ARHGAP27: variants seen among roughly 807,000 people sequenced by gnomAD.
ARHGAP27 encodes the protein rho GTPase-activating protein 27.
In ARHGAP27, 53 loss-of-function variants were observed where a neutral mutation model predicts 102.0. That is an observed-to-expected ratio of 0.52 (90% CI 0.42 to 0.65). ARHGAP27 has a LOEUF of 0.65. Ranked by LOEUF, ARHGAP27 falls within the 30% of genes least tolerant of loss-of-function variation. ARHGAP27 has a pLI of 0.00. For missense variants in ARHGAP27, 1,117 were observed against 1,256.2 expected, an observed-to-expected ratio of 0.89 and a Z score of 1.68; for synonymous variants, 525 against 542.8, an observed-to-expected ratio of 0.97 and a Z score of 0.46.
intron 12 of ARHGAP27, among the ~76,000 whole-genome samples, chr17:45,402,005 TA>T (rs1567698142): frequency 6.6e-6 from 1 of 151,966 alleles, no homozygotes; most frequent in Non-Finnish European, 1.5e-5. Context: ...AGGGTAAGAG[TA>T]GTTTAAAAAC....
intron 5 of ARHGAP27, 53 bp downstream of exon 5, chr17:45,405,623 C>T: frequency 6.6e-7 from 1 of 1,515,280 alleles, no homozygotes; most frequent in Non-Finnish European, 8.8e-7. Flanking sequence ...GAGCAGGAGG[C>T]GGGATCAGAG....
chr17:45,402,766 GC>G lies in ARHGAP27; in HGVS notation c.1690del (p.Ala564ProfsTer28). On this transcript the variant is annotated frameshift_variant, in exon 12 of 20. Coordinates refer to ENST00000685559, the MANE Select transcript of ARHGAP27 (RefSeq NM_001282290.2). LOFTEE classifies it high-confidence loss of function. ...GTCTTTGGGGGCCCAGGAGAGAGTG[GC>G]CCCCCTCAGCTCCACTGTGTACTCA... Reference protein sequence around the residue: ...TPEYTVELRGATLSWAPKDKS... With the variant: ...TPEYTVELRGXTLSWAPKDKS... 1 of 1,613,096 alleles carries G rather than the reference GC, an allele frequency of 6.2e-7. No homozygotes were observed. The highest frequency in any genetic ancestry group is 8.5e-7 in the Non-Finnish European group (1 of 1,179,550).
intron 4 of ARHGAP27, among the ~76,000 whole-genome samples, chr17:45,421,719 A>T (rs2049053632): frequency 6.6e-6 from 1 of 152,212 alleles, no homozygotes; most frequent in African/African-American, 2.4e-5. Flanking sequence ...GGAAATCGAT[A>T]ACCAGATCAG....
At chr17:45,423,980 A>T (rs2049293115) in intron 4 of ARHGAP27, among the ~76,000 whole-genome samples, 1 of 152,244 alleles carries the variant, frequency 6.6e-6, no homozygotes, top group Non-Finnish European at 1.5e-5. Context: ...TAACTGGGCC[A>T]AGGAGGAGAA....
chr17:45,410,175 C>T, intron 4 of ARHGAP27: 1 of 1,525,162 alleles, frequency 6.6e-7, no homozygotes, highest in Non-Finnish European at 8.8e-7. Flanking sequence ...CACCCAGCTC[C>T]TAACAGGGCT....
intron 12 of ARHGAP27, chr17:45,401,515 C>A (rs756327670): frequency 2.0e-5 from 3 of 152,172 alleles, no homozygotes; most frequent in Non-Finnish European, 2.9e-5. Context: ...AGGTTCCTTG[C>A]AGAACTGTTT....
chr17:45,405,000 G>T lies in ARHGAP27; in HGVS notation c.1172C>A (p.Thr391Asn). 6.2e-7 allele frequency: 1 copy of T among 1,614,088 alleles called. No homozygotes were observed. The highest frequency in any genetic ancestry group is 1.7e-4 in the Middle Eastern group (1 of 6,060). ...ATGACAAGACCAGCCGGGGGGTGTG[G>T]TCAAGGGAGAGGTAGGGCCGGGCTC... The part of the protein sequence containing the change: ...FGEPGPTSPL[T>N]TPPGWSCHVS... The change falls in exon 6 of 20, where the codon ACC (threonine) becomes AAC (asparagine). Residue 391 changes from threonine to asparagine, a missense_variant. Coordinates refer to ENST00000685559, the MANE Select transcript of ARHGAP27 (RefSeq NM_001282290.2).
intron 4 of ARHGAP27, among the ~76,000 whole-genome samples, chr17:45,419,530 A>G (rs1003223255): frequency 0.018 from 732 of 41,738 alleles, 8 homozygotes; most frequent in Middle Eastern, 0.071. Flanking sequence ...ATATATATAT[A>G]TATATATATA....
chr17:45,405,057 T>G lies in ARHGAP27; in HGVS notation c.1115A>C (p.Glu372Ala). Reference protein sequence around the residue: ...DYPESLTSYPEEDYSPVGSFG... With the variant: ...DYPESLTSYPAEDYSPVGSFG... ...AGAGCCCACGGGAGAATAGTCCTCCTCGGGGTAACTGGTCAGCGACTCGGG... is the reference window on the plus strand; with the variant it reads ...AGAGCCCACGGGAGAATAGTCCTCCGCGGGGTAACTGGTCAGCGACTCGGG... The change falls in exon 6 of 20, where the codon GAG becomes GCG. Residue 372 changes from glutamate to alanine, a missense_variant. Glu to Ala is a moderately radical substitution (Grantham distance 107, BLOSUM62 -1). Transcript: ENST00000685559. 6.2e-7 allele frequency: 1 copy of G among 1,609,902 alleles called. No individual in the cohort carries two copies. The highest frequency in any genetic ancestry group is 8.5e-7 in the Non-Finnish European group (1 of 1,177,362).
intron 4 of ARHGAP27, among the ~76,000 whole-genome samples, chr17:45,415,393 G>A (rs1263371602): frequency 6.6e-6 from 1 of 152,100 alleles, no homozygotes; most frequent in Non-Finnish European, 1.5e-5. Flanking sequence ...CTCATGCTTG[G>A]TGTCTCACCT....
chr17:45,403,298 G>A (rs955302499), intron 11 of ARHGAP27, among the ~76,000 whole-genome samples: 11 of 152,316 alleles, frequency 7.2e-5, no homozygotes, highest in South Asian at 4.1e-4. Context: ...AGTGGCTCAC[G>A]CCTGTAATCT....
At chr17:45,426,372 C>CTTTGTCCCCAGTGTCCAGCACAG (rs2049599030) in intron 4 of ARHGAP27, among the ~76,000 whole-genome samples, 1 of 152,166 alleles carries the variant, frequency 6.6e-6, no homozygotes, top group African/African-American at 2.4e-5. Context: ...TCTTACCACA[C>CTTTGTCCCCAGTGTCCAGCACAG]TTTGTCCCCA....
rs745879917 is a variant in ARHGAP27 at position 45,402,706 on chromosome 17, C to T, written c.1743+8G>A. On this transcript the variant is annotated splice_region_variant and intron_variant, in intron 12 of 19. Coordinates refer to ENST00000685559, the MANE Select transcript of ARHGAP27 (RefSeq NM_001282290.2). ...CCTTCCCTCCTTCTCCCCAACCCCG[C>T]CACTCACCTCCAGCACATTCTTCCT... The T allele has an allele frequency of 1.1e-5, 17 of 1,605,788 alleles. No homozygotes were observed. The highest frequency in any genetic ancestry group is 6.7e-5 in the East Asian group (3 of 44,736).
intron 4 of ARHGAP27, 59 bp downstream of exon 4, chr17:45,429,564 G>A (rs1457949389): frequency 1.9e-6 from 3 of 1,573,212 alleles, no homozygotes; most frequent in South Asian, 1.1e-5. Context: ...CCCCGGCTCC[G>A]TGCGGGCGCG....
At chr17:45,406,230 A>C (rs2047152940) in intron 4 of ARHGAP27, 147 bp from the exon 5 acceptor site, 1 of 995,532 alleles carries the variant, frequency 1.0e-6, no homozygotes, top group East Asian at 2.7e-5. Flanking sequence ...AATTTTGTAC[A>C]ACAAAGCATT....
chr17:45,393,988 C>T lies in ARHGAP27; in HGVS notation c.*1468G>A, dbSNP rs1364220957. 6.6e-6 allele frequency: 1 copy of T among 152,564 alleles called. No individual in the cohort carries two copies. The highest frequency in any genetic ancestry group is 2.4e-5 in the African/African-American group (1 of 41,418). 9.5% of individuals were successfully genotyped at this position (152,564 alleles called of 1,614,324 possible). On this transcript the variant is annotated 3_prime_UTR_variant, in exon 20 of 20. Transcript: ENST00000685559. ...AATATTTAGACATATGGTATGAGGC[C>T]CCTGTGTGTACTCTTGCCCTGGCCC...
At chr17:45,425,557 G>T in intron 4 of ARHGAP27, 1 of 985,594 alleles carries the variant, frequency 1.0e-6, no homozygotes, top group Non-Finnish European at 1.2e-6. Flanking sequence ...CAGGGGCGAG[G>T]ACTCACTCAG....
Position 45,395,070 on chromosome 17 carries a change from G to A in ARHGAP27, c.*386C>T. ...ACAGGGTCTCTGTGAAGGCCTCCAC[G>A]AGGTGAGGGCCAGAAGCAGCCAGGA... On this transcript the variant is annotated 3_prime_UTR_variant, in exon 20 of 20. Transcript: ENST00000685559. 2 of 258,246 alleles carry A rather than the reference G, an allele frequency of 7.7e-6. No homozygotes were observed. The highest frequency in any genetic ancestry group is 5.2e-5 in the South Asian group (1 of 19,190). 16.0% of individuals were successfully genotyped at this position (258,246 alleles called of 1,614,324 possible). A position where few individuals can be genotyped will look rare whatever the true frequency, so the allele number is the denominator to read the frequency against.
At chr17:45,410,915 G>A (rs2047840076) in intron 4 of ARHGAP27, among the ~76,000 whole-genome samples, 1 of 152,074 alleles carries the variant, frequency 6.6e-6, no homozygotes, top group Admixed American at 6.5e-5. Context: ...TGCCAGCCCC[G>A]AGGAGGACAG....
Sources: gnomAD v4.1 joint callset for allele counts (sites outside exome capture counted in the v4.1 genomes callset) on GRCh38, gnomAD v4.1.1 for gene constraint, MANE v1.5 for transcripts, NCBI Gene and HGNC (gene_info 2026-07-23, HGNC 2026-07-21) for gene names.